CNOT1: variants seen among roughly 807,000 people sequenced by gnomAD.
The protein encoded by CNOT1 is CCR4-associated factor 1.
A neutral mutation model predicts 273.8 loss-of-function variants in CNOT1; 15 were observed. That is an observed-to-expected ratio of 0.05 (90% CI 0.04 to 0.08). The LOEUF is 0.08. Among genes scored for constraint, CNOT1 ranks in the 10% least tolerant of loss-of-function variants. The probability of loss-of-function intolerance (pLI) is 1.00; values close to 1 mark genes in which losing one functional copy is unlikely to be tolerated. For missense variants in CNOT1, 1,644 were observed against 2,912.2 expected (o/e 0.56, Z 10.02); for synonymous variants, 1,022 against 1,005.5 (o/e 1.02, Z -0.31).
At chr16:58,549,589 T>A in intron 25 of CNOT1, 130 bp downstream of exon 25, 1 of 1,382,992 alleles carries the variant, frequency 7.2e-7, no homozygotes, top group Non-Finnish European at 9.4e-7. Flanking sequence ...AGAAACAAAA[T>A]CTACAGCAAT....
intron 14 of CNOT1, 116 bp from the exon 15 acceptor site, chr16:58,575,245 T>C: frequency 2.8e-6 from 4 of 1,419,374 alleles, no homozygotes; most frequent in Non-Finnish European, 2.8e-6. Context: ...CTGCTAATAC[T>C]TCCTTGGTCA....
intron 1 of CNOT1, among the ~76,000 whole-genome samples, chr16:58,606,384 GTCCCT>G (rs2042676394): frequency 2.8e-5 from 2 of 70,744 alleles, no homozygotes; most frequent in African/African-American, 1.5e-4. Flanking sequence ...GTGAGACCCC[GTCCCT>G]TAAAAAAACA....
chr16:58,590,255 C>A (rs965665630), intron 2 of CNOT1, among the ~76,000 whole-genome samples: 3 of 152,178 alleles, frequency 2.0e-5, no homozygotes, highest in African/African-American at 7.2e-5. Flanking sequence ...TTAAAACAGA[C>A]TCCTTGAGCC....
intron 18 of CNOT1, among the ~76,000 whole-genome samples, chr16:58,557,638 A>AC (rs1312552943): frequency 1.3e-3 from 13 of 10,198 alleles, no homozygotes; most frequent in South Asian, 6.9e-3. Flanking sequence ...AACAACAACA[A>AC]AAAAAATATA....
rs780067579 is a variant in CNOT1, at chr16:58,547,730, GA to G, written c.3523-49del. ...AAGATATGAGAATAAGCTTATGAAA[GA>G]AAACTCAACTAAGTATTTGAGAATT... is the stretch of plus-strand genomic sequence containing the variant. On this transcript the variant is annotated intron_variant, in intron 25 of 48. Transcript: ENST00000317147. This position sits in a 1 kb window ranked among gnomAD's most constrained non-coding sequence, Gnocchi z 4.0. 9 of 1,556,316 alleles carry G rather than the reference GA, an allele frequency of 5.8e-6. No homozygotes were observed. In the African/African-American group the frequency reaches 1.1e-4, roughly 19 times the overall value.
chr16:58,619,939 G>C (rs2043248928), intron 1 of CNOT1, among the ~76,000 whole-genome samples: 1 of 152,084 alleles, frequency 6.6e-6, no homozygotes, highest in Non-Finnish European at 1.5e-5. Flanking sequence ...AGATAGTCAT[G>C]ATATTCTAAA....
intron 1 of CNOT1, among the ~76,000 whole-genome samples, chr16:58,620,136 A>G (rs1361514007): frequency 2.0e-5 from 3 of 152,220 alleles, no homozygotes; most frequent in African/African-American, 7.2e-5. Context: ...CTATTCAATT[A>G]CAGTTCAACT....
intron 21 of CNOT1, among the ~76,000 whole-genome samples, chr16:58,554,881 G>C (rs2040577354): frequency 7.4e-6 from 1 of 136,022 alleles, no homozygotes; most frequent in Non-Finnish European, 1.5e-5. Flanking sequence ...AGGTGCAGTG[G>C]GCCCAGATTG....
intron 16 of CNOT1, among the ~76,000 whole-genome samples, chr16:58,568,894 G>A (rs2041161766): frequency 6.6e-6 from 1 of 152,052 alleles, no homozygotes; most frequent in African/African-American, 2.4e-5. Flanking sequence ...ACAAAAAAAG[G>A]GCAATAACGA....
At chr16:58,558,395 C>A in intron 18 of CNOT1, 78 bp downstream of exon 18, 1 of 1,585,862 alleles carries the variant, frequency 6.3e-7, no homozygotes, top group Non-Finnish European at 8.6e-7. Flanking sequence ...ACAGTGACTC[C>A]AAACCCCTTA....
At chr16:58,558,015 G>A (rs1366590437) in intron 18 of CNOT1, among the ~76,000 whole-genome samples, 4 of 151,424 alleles carry the variant, frequency 2.6e-5, no homozygotes, top group African/African-American at 9.7e-5. Context: ...ACAAACAAAC[G>A]AAAAAAAACC....
intron 8 of CNOT1, among the ~76,000 whole-genome samples, chr16:58,584,757 T>G (rs573761751): frequency 6.6e-6 from 1 of 152,118 alleles, no homozygotes; most frequent in South Asian, 2.1e-4. Flanking sequence ...TGTCTGAGAG[T>G]TTTTAAAACA....
rs1293231041 is a variant in CNOT1, at chr16:58,567,448, CCCCA to C, written c.1980-7090_1980-7087del. Among the ~76,000 whole-genome samples the C allele has an allele frequency of 6.7e-4, 101 of 151,004 alleles. 1 individual carries two copies. The highest frequency in any genetic ancestry group is 1.7e-3 in the Admixed American group (26 of 15,066). On this transcript the variant is annotated intron_variant, in intron 16 of 48. Transcript: ENST00000317147. ...GACCATCCTGGGCAACATGGTGAAGCCCCATTTCCACAGAAAATTAAAAATAAAA... is the reference window on the plus strand; with the variant it reads ...GACCATCCTGGGCAACATGGTGAAGCTTTCCACAGAAAATTAAAAATAAAA...
intron 38 of CNOT1, 31 bp from the exon 39 acceptor site, chr16:58,537,251 T>G: frequency 6.5e-7 from 1 of 1,549,074 alleles, no homozygotes; most frequent in Non-Finnish European, 8.7e-7. Context: ...TGAAAATCAG[T>G]CTCCTCGTAG....
chr16:58,533,350 G>A (rs1480755439), intron 40 of CNOT1, among the ~76,000 whole-genome samples: 1 of 152,086 alleles, frequency 6.6e-6, no homozygotes, highest in Non-Finnish European at 1.5e-5. Flanking sequence ...AAGAACCACT[G>A]ACGTGGCCGG....
intron 16 of CNOT1, among the ~76,000 whole-genome samples, chr16:58,567,294 GGTAATAGA>G (rs754613175): frequency 6.6e-6 from 1 of 151,906 alleles, no homozygotes; most frequent in Non-Finnish European, 1.5e-5. Context: ...CTCTAGTCTG[GGTAATAGA>G]GTGAGACTAT....
At chr16:58,598,173 C>G (rs929299161) in intron 2 of CNOT1, among the ~76,000 whole-genome samples, 2 of 151,930 alleles carry the variant, frequency 1.3e-5, no homozygotes, top group Non-Finnish European at 2.9e-5. Context: ...CCGAGGCAGG[C>G]AGATCACCTG....
chr16:58,602,495 G>A (rs2042502842), intron 1 of CNOT1, among the ~76,000 whole-genome samples: 1 of 137,088 alleles, frequency 7.3e-6, no homozygotes, highest in Non-Finnish European at 1.5e-5. Flanking sequence ...GGAGGTTGCA[G>A]TGAGCCAAGA....
At chr16:58,543,190 C>G in intron 31 of CNOT1, 2 of 1,482,034 alleles carry the variant, frequency 1.3e-6, no homozygotes, top group Non-Finnish European at 1.8e-6. Context: ...ACCATGATAT[C>G]TGAGACTCAA....
Sources: allele counts gnomAD v4.1 joint callset (sites outside exome capture counted in the v4.1 genomes callset), GRCh38; gene constraint gnomAD v4.1.1; non-coding constraint Gnocchi (gnomAD v3.1); transcripts MANE v1.5; gene names NCBI Gene and HGNC (gene_info 2026-07-23, HGNC 2026-07-21).